CBL: variants seen among roughly 807,000 people sequenced by gnomAD.
CBL encodes E3 ubiquitin-protein ligase CBL.
Under a neutral mutation model 96.9 loss-of-function variants are expected in CBL, and 45 were observed. That is an observed-to-expected ratio of 0.46 (90% CI 0.37 to 0.60). The LOEUF (loss-of-function observed/expected upper bound fraction) is 0.60, where lower values mean the gene tolerates loss of function less well. Among genes scored for constraint, CBL ranks in the 20% least tolerant of loss-of-function variants. The pLI, the probability that CBL is intolerant of heterozygous loss-of-function variation, is 0.00. For missense variants in CBL, 1,024 were observed against 1,143.5 expected (o/e 0.90, Z 1.51); for synonymous variants, 420 against 426.8 (o/e 0.98, Z 0.20).
chr11:119,250,994 T>G (rs1847024383), intron 2 of CBL, among the ~76,000 whole-genome samples: 1 of 152,152 alleles, frequency 6.6e-6, no homozygotes, highest in Admixed American at 6.6e-5. Flanking sequence ...ATTTTTTTAG[T>G]TCTTTCAGGT....
rs143660973 is a variant in CBL, at chr11:119,287,042, A to G, written c.1942-810A>G. 2.3e-4 allele frequency among the ~76,000 whole-genome samples: 35 copies of G among 152,278 alleles called. No individual in the cohort carries two copies. The East Asian group carries it at 6.2e-3, about 27-fold the overall frequency. On this transcript the variant is annotated intron_variant, in intron 11 of 15. Coordinates refer to ENST00000264033, the MANE Select transcript of CBL (RefSeq NM_005188.4). ...ATGTGCCATGCTGATCCCAGGGGAG[A>G]TTATTCCAGGATGAAGGAAAAAGCA...
chr11:119,306,063 G>A lies in CBL; in HGVS notation c.*6282G>A, dbSNP rs958008576. On this transcript the variant is annotated 3_prime_UTR_variant, in exon 16 of 16. Coordinates refer to ENST00000264033, the MANE Select transcript of CBL (RefSeq NM_005188.4). ...CAGGAAATCTGGGTTGGTTCCAGTG[G>A]GAAATACCAGTATTTCTTGGTTCTG... is the stretch of plus-strand genomic sequence containing the variant. 2.6e-6 allele frequency: 1 copy of A among 382,630 alleles called. No homozygotes were observed. The highest frequency in any genetic ancestry group is 4.6e-6 in the Non-Finnish European group (1 of 216,164). 23.7% of individuals were successfully genotyped at this position (382,630 alleles called of 1,614,324 possible).
intron 2 of CBL, among the ~76,000 whole-genome samples, chr11:119,248,479 C>CA (rs934856539): frequency 2.6e-5 from 4 of 150,976 alleles, no homozygotes; most frequent in African/African-American, 9.7e-5. Flanking sequence ...AAGGATGGGC[C>CA]AAAAAAATGA....
intron 2 of CBL, among the ~76,000 whole-genome samples, chr11:119,261,407 G>A (rs1051208091): frequency 6.6e-6 from 1 of 152,088 alleles, no homozygotes; most frequent in Admixed American, 6.6e-5. Flanking sequence ...ACATACTCAG[G>A]AGTTAAATAA....
At position 119,302,998 on chromosome 11, in the gene CBL, T is replaced by G. The variant is rs1052910837; in HGVS notation, c.*3217T>G. The stretch of plus-strand genomic sequence containing the variant: ...AGTATTATTTAACTATTTTGTAGAT[T>G]TAAAAGATTTCTGGTTAAGGGAGGT... On this transcript the variant is annotated 3_prime_UTR_variant, in exon 16 of 16. Transcript: ENST00000264033. 1 of 228,418 alleles carries G rather than the reference T, an allele frequency of 4.4e-6. No individual in the cohort carries two copies. Among genetic ancestry groups the G allele is most frequent in the African/African-American group, 2.2e-5 (1 of 45,120 alleles). The allele number at this position is 228,418 out of a possible 1,614,324, so 14.1% of individuals were successfully genotyped here.
At chr11:119,284,369 G>C (rs1294448907) in intron 9 of CBL, among the ~76,000 whole-genome samples, 2 of 152,126 alleles carry the variant, frequency 1.3e-5, no homozygotes, top group South Asian at 2.1e-4. Flanking sequence ...ACAGTGGCTA[G>C]ATTATGGTTC....
At chr11:119,258,854 C>T (rs1352452039) in intron 2 of CBL, among the ~76,000 whole-genome samples, 4 of 152,046 alleles carry the variant, frequency 2.6e-5, no homozygotes, top group Non-Finnish European at 4.4e-5. Flanking sequence ...TTGAATCTAT[C>T]GATTGCTTTG....
In CBL at chr11:119,285,584, A is replaced by G. The variant is rs755388435; in HGVS notation, c.1941+18A>G. ...CCTCCATGGTGAGTCTTAATTTTGA[A>G]ACTATCTAACCTGTTAAGAAATATG... On this transcript the variant is annotated intron_variant, in intron 11 of 15. Transcript: ENST00000264033. 1 of 1,612,616 alleles carries G rather than the reference A, an allele frequency of 6.2e-7. No homozygotes were observed. Among genetic ancestry groups the G allele is most frequent in the South Asian group, 1.1e-5 (1 of 91,032 alleles).
At chr11:119,214,331 C>T (rs906127315) in intron 1 of CBL, among the ~76,000 whole-genome samples, 5 of 151,960 alleles carry the variant, frequency 3.3e-5, no homozygotes, top group African/African-American at 9.7e-5. Context: ...CGTGATCTCA[C>T]CTCTGCCTCC....
At chr11:119,217,020 A>G (rs1348951383) in intron 1 of CBL, among the ~76,000 whole-genome samples, 1 of 152,218 alleles carries the variant, frequency 6.6e-6, no homozygotes, top group Non-Finnish European at 1.5e-5. Flanking sequence ...GCAGTTTACA[A>G]TTTTACATCT....
Position 119,303,259 on chromosome 11 carries a change from C to G in CBL, c.*3478C>G. On this transcript the variant is annotated 3_prime_UTR_variant, in exon 16 of 16. Coordinates refer to ENST00000264033, the MANE Select transcript of CBL (RefSeq NM_005188.4). ...TTAAAGTCAGAAGATTATAGACCTT[C>G]TCAAACTATAAGTCCCTCTTCTTGC... 1 of 232,580 alleles carries G rather than the reference C, an allele frequency of 4.3e-6. No individual in the cohort carries two copies. Among genetic ancestry groups the G allele is most frequent in the Admixed American group, 5.6e-5 (1 of 17,776 alleles). The allele number at this position is 232,580 out of a possible 1,614,324, so 14.4% of individuals were successfully genotyped here.
In CBL at chr11:119,287,944, C is replaced by T. The variant is rs1949996840; in HGVS notation, c.2034C>T (p.Ala678=). 8 of 1,607,334 alleles carry T rather than the reference C, an allele frequency of 5.0e-6. No homozygotes were observed. Among genetic ancestry groups the T allele is most frequent in the South Asian group, 1.1e-5 (1 of 90,956 alleles). Residue 678 remains alanine, a splice_region_variant and synonymous_variant, in exon 12 of 16, where the codon GCC becomes GCT. Coordinates refer to ENST00000264033, the MANE Select transcript of CBL (RefSeq NM_005188.4). Reference sequence around the variant, plus strand: ...CCAATGCCATTTATTCTCTGGCTGCCAGGTAAGTCTGCTAAAGCTATATTT... The same window carrying T: ...CCAATGCCATTTATTCTCTGGCTGCTAGGTAAGTCTGCTAAAGCTATATTT... ...SSANAIYSLA[A]RPLPVPKLPP...
intron 14 of CBL, 75 bp from the exon 15 acceptor site, chr11:119,298,283 A>G (rs1950077018): frequency 1.5e-6 from 2 of 1,324,768 alleles, no homozygotes; most frequent in South Asian, 1.2e-5. Context: ...GTAAAAATGA[A>G]TGGCTGCCCC....
At chr11:119,226,969 T>C (rs1000163906) in intron 1 of CBL, among the ~76,000 whole-genome samples, 1 of 152,198 alleles carries the variant, frequency 6.6e-6, no homozygotes, top group Non-Finnish European at 1.5e-5. Flanking sequence ...CTGACCTTTC[T>C]ATTCTTCAAA....
At chr11:119,224,533 T>C (rs1949440022) in intron 1 of CBL, among the ~76,000 whole-genome samples, 1 of 152,214 alleles carries the variant, frequency 6.6e-6, no homozygotes, top group South Asian at 2.1e-4. Context: ...TGTACATACA[T>C]GTATTATATC....
rs1950079119 is a variant in CBL at position 119,298,519 on chromosome 11, C to G, written c.2413C>G (p.Leu805Val). The G allele has an allele frequency of 1.2e-6, 2 of 1,614,216 alleles. No individual in the cohort carries two copies. Among genetic ancestry groups the G allele is most frequent in the Middle Eastern group, 1.6e-4 (1 of 6,062 alleles). ...CAGCTCCTCCTTTGGCTGGTTGTCT[C>G]TGGATGGTGATCCTACAACAAGTGA... ...NASSSFGWLS[L>V]DGDPTTNVTE... is the part of the protein sequence containing the mutation. The change falls in exon 15 of 16, where the codon CTG (leucine) becomes GTG (valine). Residue 805 changes from leucine (L) to valine (V), a missense_variant. This residue lies in a region of CBL where 695 missense variants were observed against 661.6 expected (regional missense o/e 1.05). Coordinates refer to ENST00000264033, the MANE Select transcript of CBL (RefSeq NM_005188.4).
chr11:119,240,579 A>C (rs1257142462), intron 2 of CBL, among the ~76,000 whole-genome samples: 1 of 152,158 alleles, frequency 6.6e-6, no homozygotes, highest in African/African-American at 2.4e-5. Context: ...GGTATAGAGC[A>C]TTTGATTGTC....
chr11:119,275,993 A>C lies in CBL; in HGVS notation c.870-4A>C. The C allele has an allele frequency of 6.2e-7, 1 of 1,614,114 alleles. No individual in the cohort carries two copies. The highest frequency in any genetic ancestry group is 8.5e-7 in the Non-Finnish European group (1 of 1,179,954). On this transcript the variant is annotated splice_polypyrimidine_tract_variant and splice_region_variant and intron_variant, in intron 5 of 15. Transcript: ENST00000264033. Reference sequence around the variant, plus strand: ...CTAAAGCTTCTGTTTATGTCTGTTCATAGTTATATCTTCCGGCTGAGCTGT... The same window carrying C: ...CTAAAGCTTCTGTTTATGTCTGTTCCTAGTTATATCTTCCGGCTGAGCTGT...
chr11:119,307,928 G>A lies in CBL; in HGVS notation c.*8147G>A, dbSNP rs1363365434. On this transcript the variant is annotated 3_prime_UTR_variant, in exon 16 of 16. Coordinates refer to ENST00000264033, the MANE Select transcript of CBL (RefSeq NM_005188.4). ...TCACCTGTAAAGAATAAGAAAAACA[G>A]AAGGTAAATATTCTTACAGAGAATA... is the stretch of plus-strand genomic sequence containing the variant. 3.6e-4 allele frequency: 71 copies of A among 199,626 alleles called. No homozygotes were observed. The highest frequency in any genetic ancestry group is 2.1e-5 in the Non-Finnish European group (2 of 96,510). 12.4% of individuals were successfully genotyped at this position (199,626 alleles called of 1,614,324 possible).
Sources: allele counts gnomAD v4.1 joint callset (sites outside exome capture counted in the v4.1 genomes callset), GRCh38; gene constraint gnomAD v4.1.1; regional missense constraint gnomAD v4.1.1; transcripts MANE v1.5; gene names NCBI Gene and HGNC (gene_info 2026-07-23, HGNC 2026-07-21).